Variants in ZNF804B observed in about 807,000 individuals in gnomAD.
The protein encoded by ZNF804B is zinc finger protein 804B, also known as zinc finger 804B.
In ZNF804B, 80 loss-of-function variants were observed where a neutral mutation model predicts 101.4. The observed-to-expected ratio is 0.79, with a 90% CI of 0.66 to 0.95. The LOEUF is 0.95. ZNF804B is among the 40% of genes least tolerant of loss of function. The probability of loss-of-function intolerance (pLI) is 0.00; values close to 1 mark genes in which losing one functional copy is unlikely to be tolerated. For missense variants in ZNF804B, 1,673 were observed against 1,561.9 expected, an observed-to-expected ratio of 1.07 and a Z score of -1.20; for synonymous variants, 622 against 558.8, an observed-to-expected ratio of 1.11 and a Z score of -1.59.
chr7:89,149,828 A>G (rs1172771956), intron 1 of ZNF804B, among the ~76,000 whole-genome samples: 2 of 151,546 alleles, frequency 1.3e-5, no homozygotes, highest in Non-Finnish European at 2.9e-5. Context: ...ACATGAAGTC[A>G]TTACTGATAT....
rs372739038 is a variant in ZNF804B at position 89,337,413 on chromosome 7, A to G, written c.*381A>G. On this transcript the variant is annotated 3_prime_UTR_variant, in exon 4 of 4. Transcript: ENST00000333190. ...TGCGTTCTAAGTATTTGTTGTGTGA[A>G]TGAATGAGTGTTGATTTGGCTTATT... is the stretch of plus-strand genomic sequence containing the variant. Among the ~76,000 whole-genome samples, 2 of 152,150 alleles carry G rather than the reference A, an allele frequency of 1.3e-5. No individual in the cohort carries two copies. Among genetic ancestry groups the G allele is most frequent in the East Asian group, 3.8e-4 (2 of 5,196 alleles).
At chr7:88,945,994 G>A (rs1793122523) in intron 1 of ZNF804B, among the ~76,000 whole-genome samples, 1 of 152,130 alleles carries the variant, frequency 6.6e-6, no homozygotes, top group South Asian at 2.1e-4. Flanking sequence ...TTTGGGCTGA[G>A]ATGACAGGGT....
intron 1 of ZNF804B, among the ~76,000 whole-genome samples, chr7:89,017,933 T>C (rs564898441): frequency 4.1e-4 from 63 of 152,286 alleles, no homozygotes; most frequent in Non-Finnish European, 7.8e-4. Context: ...TTTAGATTTT[T>C]CTATGCATAA....
intron 1 of ZNF804B, among the ~76,000 whole-genome samples, chr7:88,852,787 C>T (rs1481113534): frequency 6.6e-6 from 1 of 152,124 alleles, no homozygotes; most frequent in Admixed American, 6.6e-5. Flanking sequence ...TGCAAATTCA[C>T]ACATCTAGTA....
chr7:88,847,775 A>G (rs1791397318), intron 1 of ZNF804B, among the ~76,000 whole-genome samples: 1 of 152,172 alleles, frequency 6.6e-6, no homozygotes, highest in African/African-American at 2.4e-5. Context: ...GGACCTGGCT[A>G]TGCTTCCTTA....
rs55841922 is a variant in ZNF804B at position 88,857,822 on chromosome 7, C to CTTTTTTTTTTTTTTTTTT, written c.108+97750_108+97767dup. 8.7e-4 allele frequency among the ~76,000 whole-genome samples: 71 copies of CTTTTTTTTTTTTTTTTTT among 81,470 alleles called. 5 individuals are homozygous for CTTTTTTTTTTTTTTTTTT. The highest frequency in any genetic ancestry group is 2.2e-3 in the African/African-American group (42 of 18,866). The allele number at this position is 81,470 out of a possible 152,430, so 53.4% of individuals were successfully genotyped here. A position where few individuals can be genotyped will look rare whatever the true frequency, so the allele number is the denominator to read the frequency against. On this transcript the variant is annotated intron_variant, in intron 1 of 3. Transcript: ENST00000333190. Reference sequence around the variant, plus strand: ...CTTTCTTTCTCCTTTCCTTTCTTTTCTTTTTTTTTTTTTTTTTTTTTTTTT... The same window carrying CTTTTTTTTTTTTTTTTTT: ...CTTTCTTTCTCCTTTCCTTTCTTTTCTTTTTTTTTTTTTTTTTTTTTTTTTTTTTTTTTTTTTTTTTTT...
intron 1 of ZNF804B, among the ~76,000 whole-genome samples, chr7:88,859,192 C>T (rs1022028953): frequency 6.6e-6 from 1 of 151,586 alleles, no homozygotes; most frequent in Non-Finnish European, 1.5e-5. Flanking sequence ...GGTGTGCGTG[C>T]ATGTGTGTGT....
intron 1 of ZNF804B, among the ~76,000 whole-genome samples, chr7:88,889,273 G>A (rs769456633): frequency 6.6e-6 from 1 of 152,020 alleles, no homozygotes; most frequent in African/African-American, 2.4e-5. Context: ...GTGTCTTTCT[G>A]GTAGAATGGC....
intron 1 of ZNF804B, among the ~76,000 whole-genome samples, chr7:88,907,860 A>G (rs145872419): frequency 1.3e-5 from 2 of 152,130 alleles, no homozygotes; most frequent in Non-Finnish European, 2.9e-5. Flanking sequence ...TAATTCATTC[A>G]GTCAGAAAAA....
chr7:89,082,763 G>T (rs1789714127), intron 1 of ZNF804B, among the ~76,000 whole-genome samples: 2 of 151,714 alleles, frequency 1.3e-5, no homozygotes, highest in Non-Finnish European at 3.0e-5. Flanking sequence ...CATTTGCATG[G>T]TACCCAGGGA....
chr7:88,835,457 T>C (rs997669788), intron 1 of ZNF804B, among the ~76,000 whole-genome samples: 2 of 151,936 alleles, frequency 1.3e-5, no homozygotes, highest in African/African-American at 4.8e-5. Flanking sequence ...AAAGTGTTTT[T>C]AAATATATCA....
intron 3 of ZNF804B, among the ~76,000 whole-genome samples, chr7:89,328,160 G>C (rs1328603168): frequency 2.6e-5 from 4 of 151,902 alleles, no homozygotes; most frequent in Admixed American, 1.3e-4. Flanking sequence ...CTAGTGAATT[G>C]TGAAACTTAT....
At chr7:89,188,560 G>A (rs1788408944) in intron 1 of ZNF804B, among the ~76,000 whole-genome samples, 1 of 152,164 alleles carries the variant, frequency 6.6e-6, no homozygotes. Context: ...GAGATATGCT[G>A]AAAGCGTGGC....
chr7:89,291,955 A>C (rs1275901904), intron 2 of ZNF804B, among the ~76,000 whole-genome samples: 1 of 152,096 alleles, frequency 6.6e-6, no homozygotes, highest in African/African-American at 2.4e-5. Context: ...GGGAAACCTT[A>C]CATGACGAGA....
intron 1 of ZNF804B, among the ~76,000 whole-genome samples, chr7:88,809,343 CTATCTATCTATCTACCTATCTAT>C (rs1790745818): frequency 1.4e-5 from 2 of 147,260 alleles, no homozygotes; most frequent in African/African-American, 4.9e-5. Context: ...ATCTATCTAT[CTATCTATCTATCTACCTATCTAT>C]CTACCTACCT....
intron 1 of ZNF804B, among the ~76,000 whole-genome samples, chr7:88,860,000 A>G (rs1791623902): frequency 6.6e-6 from 1 of 151,924 alleles, no homozygotes; most frequent in Admixed American, 6.6e-5. Flanking sequence ...AATTATAGAA[A>G]AAGTAAGGTT....
intron 1 of ZNF804B, among the ~76,000 whole-genome samples, chr7:88,792,133 C>A (rs1301073859): frequency 6.6e-6 from 1 of 152,008 alleles, no homozygotes; most frequent in Admixed American, 6.6e-5. Flanking sequence ...TATGACCTAG[C>A]CTTCGAGATC....
At chr7:89,055,224 A>G (rs560506914) in intron 1 of ZNF804B, among the ~76,000 whole-genome samples, 1 of 152,216 alleles carries the variant, frequency 6.6e-6, no homozygotes, top group African/African-American at 2.4e-5. Context: ...CTGAGTACAA[A>G]GAGGAGGCTT....
In ZNF804B at chr7:89,156,010, TCTCTCTTTC is replaced by T. The variant is rs373804594; in HGVS notation, c.109-62142_109-62134del. Among the ~76,000 whole-genome samples the T allele has an allele frequency of 9.6e-3, 1,090 of 113,656 alleles. 15 individuals carry two copies. Among genetic ancestry groups the T allele is most frequent in the East Asian group, 0.033 (150 of 4,580 alleles). 74.6% of individuals were successfully genotyped at this position (113,656 alleles called of 152,430 possible). A position where few individuals can be genotyped will look rare whatever the true frequency, so the allele number is the denominator to read the frequency against. On this transcript the variant is annotated intron_variant, in intron 1 of 3. Coordinates refer to ENST00000333190, the MANE Select transcript of ZNF804B (RefSeq NM_181646.5). Reference sequence around the variant, plus strand: ...TCCTTTCCTTCTTTCTTTCTTTCTTTCTCTCTTTCCTTTCTTTCTTTCTTTCTTTCTTTC... The same window carrying T: ...TCCTTTCCTTCTTTCTTTCTTTCTTTCTTTCTTTCTTTCTTTCTTTCTTTC...
Sources: allele counts gnomAD v4.1 joint callset (sites outside exome capture counted in the v4.1 genomes callset), GRCh38; gene constraint gnomAD v4.1.1; transcripts MANE v1.5; gene names NCBI Gene and HGNC (gene_info 2026-07-23, HGNC 2026-07-21).